Variants in CTNNA3 observed in about 807,000 individuals in gnomAD.
CTNNA3 encodes catenin alpha-3.
CTNNA3 carries 76 observed loss-of-function variants against 95.7 expected under a neutral mutation model. The ratio of observed to expected loss-of-function variants is 0.79; its 90% CI spans 0.66 to 0.96. CTNNA3 has a LOEUF of 0.96. CTNNA3 is among the 40% of genes least tolerant of loss of function. The pLI is 0.00. For missense variants in CTNNA3, 1,191 were observed against 1,089.8 expected (o/e 1.09, Z -1.31); for synonymous variants, 431 against 374.4 (o/e 1.15, Z -1.74).
intron 5 of CTNNA3, among the ~76,000 whole-genome samples, chr10:67,370,827 C>T (rs1843399114): frequency 6.6e-6 from 1 of 150,582 alleles, no homozygotes; most frequent in Non-Finnish European, 1.5e-5. Flanking sequence ...GTTTGCATTA[C>T]ATTAAATATA....
At chr10:66,334,243 G>T (rs901091726) in intron 12 of CTNNA3, among the ~76,000 whole-genome samples, 3 of 151,910 alleles carry the variant, frequency 2.0e-5, no homozygotes, top group African/African-American at 7.3e-5. Flanking sequence ...GGTTAAAATT[G>T]TTATGTGTGA....
intron 15 of CTNNA3, among the ~76,000 whole-genome samples, chr10:66,003,568 A>C (rs1304789449): frequency 6.6e-6 from 1 of 152,194 alleles, no homozygotes; most frequent in Non-Finnish European, 1.5e-5. Flanking sequence ...AGGTGAAATC[A>C]AAGGTAGAAT....
chr10:67,042,639 C>T (rs1033830943), intron 7 of CTNNA3, among the ~76,000 whole-genome samples: 4 of 150,586 alleles, frequency 2.7e-5, no homozygotes, highest in African/African-American at 9.8e-5. Context: ...AGAGAAGGAA[C>T]GGAGGAAAAG....
At chr10:67,648,037 G>C (rs144559948) in intron 1 of CTNNA3, among the ~76,000 whole-genome samples, 60 of 152,226 alleles carry the variant, frequency 3.9e-4, no homozygotes, top group African/African-American at 1.4e-3. Context: ...GAAGGTTAAA[G>C]GCAATTTACC....
At chr10:66,028,953 C>T (rs1186223113) in intron 15 of CTNNA3, among the ~76,000 whole-genome samples, 2 of 151,842 alleles carry the variant, frequency 1.3e-5, no homozygotes. Flanking sequence ...CTAAAAGGTA[C>T]TTTCAGTGGA....
At chr10:67,638,394 C>A (rs1278011273) in intron 2 of CTNNA3, among the ~76,000 whole-genome samples, 1 of 152,044 alleles carries the variant, frequency 6.6e-6, no homozygotes, top group Admixed American at 6.6e-5. Flanking sequence ...ACTTAGACTC[C>A]CACACAATAA....
intron 12 of CTNNA3, among the ~76,000 whole-genome samples, chr10:66,362,693 A>G (rs2092685125): frequency 6.6e-6 from 1 of 151,976 alleles, no homozygotes. Context: ...ACCCTGGGCA[A>G]CAGAGTGAGA....
At chr10:66,840,734 T>C (rs1372205817) in intron 7 of CTNNA3, among the ~76,000 whole-genome samples, 1 of 152,094 alleles carries the variant, frequency 6.6e-6, no homozygotes, top group Non-Finnish European at 1.5e-5. Context: ...GTTCTCTTTT[T>C]TAAAACTTAA....
chr10:67,386,293 T>G (rs1441996697), intron 5 of CTNNA3, among the ~76,000 whole-genome samples: 1 of 152,200 alleles, frequency 6.6e-6, no homozygotes, highest in African/African-American at 2.4e-5. Flanking sequence ...TTTCATCTCA[T>G]TTATTTACGT....
chr10:66,767,239 A>T (rs1019610485), intron 8 of CTNNA3, among the ~76,000 whole-genome samples: 1 of 152,156 alleles, frequency 6.6e-6, no homozygotes, highest in African/African-American at 2.4e-5. Context: ...CGAGGTCAGG[A>T]GTTCGAGAAC....
intron 9 of CTNNA3, among the ~76,000 whole-genome samples, chr10:66,693,887 G>T (rs2132547731): frequency 6.6e-6 from 1 of 152,204 alleles, no homozygotes; most frequent in South Asian, 2.1e-4. Context: ...AATGAAGACA[G>T]AAATAAAGAT....
intron 13 of CTNNA3, among the ~76,000 whole-genome samples, chr10:66,166,275 C>T (rs1262918431): frequency 1.3e-5 from 2 of 151,728 alleles, no homozygotes; most frequent in African/African-American, 4.8e-5. Flanking sequence ...AGTTCAAGAC[C>T]AGCCTGGCCA....
At chr10:66,261,008 T>A (rs990734641) in intron 13 of CTNNA3, among the ~76,000 whole-genome samples, 7 of 152,086 alleles carry the variant, frequency 4.6e-5, no homozygotes, top group Non-Finnish European at 8.8e-5. Flanking sequence ...AATTTTAAGT[T>A]ATTTGTTTTC....
intron 5 of CTNNA3, among the ~76,000 whole-genome samples, chr10:67,426,027 G>A (rs928820869): frequency 6.6e-6 from 1 of 152,054 alleles, no homozygotes; most frequent in African/African-American, 2.4e-5. Context: ...CTAAGGAAGA[G>A]ACTTTCCTTA....
At chr10:67,518,519 T>G (rs1839888269) in intron 5 of CTNNA3, among the ~76,000 whole-genome samples, 1 of 152,148 alleles carries the variant, frequency 6.6e-6, no homozygotes, top group Non-Finnish European at 1.5e-5. Context: ...TTTTACATAT[T>G]TTTATATCAA....
intron 16 of CTNNA3, among the ~76,000 whole-genome samples, chr10:65,979,612 A>C (rs2078278461): frequency 6.6e-6 from 1 of 152,100 alleles, no homozygotes; most frequent in South Asian, 2.1e-4. Context: ...CACTTATACA[A>C]GATAGCTCCT....
intron 10 of CTNNA3, among the ~76,000 whole-genome samples, chr10:66,612,289 C>G (rs79756832): frequency 0.024 from 3,667 of 152,180 alleles, 91 homozygotes; most frequent in South Asian, 0.066. Context: ...TCATGCCTCT[C>G]CCTTTTCCCA....
chr10:66,627,965 C>G (rs1844996370), intron 9 of CTNNA3, among the ~76,000 whole-genome samples: 1 of 152,084 alleles, frequency 6.6e-6, no homozygotes, highest in African/African-American at 2.4e-5. Flanking sequence ...AATATTGTCT[C>G]TTCCACAAAC....
chr10:66,629,688 C>A (rs914391204), intron 9 of CTNNA3, among the ~76,000 whole-genome samples: 1 of 152,018 alleles, frequency 6.6e-6, no homozygotes, highest in African/African-American at 2.4e-5. Context: ...TGCAGTCTGG[C>A]CTGAGAGTCA....
Sources: allele counts gnomAD v4.1 joint callset (sites outside exome capture counted in the v4.1 genomes callset), GRCh38; gene constraint gnomAD v4.1.1; transcripts MANE v1.5; gene names NCBI Gene and HGNC (gene_info 2026-07-23, HGNC 2026-07-21).